The following LRP6 variants were observed in gnomAD, a reference collection of about 807,000 sequenced individuals.
LRP6 encodes the protein LDL receptor related protein 6, also known as low-density lipoprotein receptor-related protein 6.
A neutral mutation model predicts 184.1 loss-of-function variants in LRP6; 43 were observed. That is an observed-to-expected ratio of 0.23 (90% CI 0.18 to 0.30). The LOEUF (loss-of-function observed/expected upper bound fraction) is 0.30, where lower values mean the gene tolerates loss of function less well. Among genes scored for constraint, LRP6 ranks in the 10% least tolerant of loss-of-function variants. LRP6 has a pLI of 1.00. For synonymous variants in LRP6, 719 were observed against 684.9 expected (o/e 1.05, Z -0.78); for missense variants, 1,571 against 2,005.3 (o/e 0.78, Z 4.14).
intron 12 of LRP6, among the ~76,000 whole-genome samples, chr12:12,154,006 T>C (rs1384667557): frequency 2.0e-5 from 3 of 152,320 alleles, no homozygotes; most frequent in East Asian, 3.9e-4. Flanking sequence ...CACACTTCCT[T>C]AGCCACGCCA....
chr12:12,198,601 T>C (rs1041104384), intron 3 of LRP6, among the ~76,000 whole-genome samples: 4 of 150,620 alleles, frequency 2.7e-5, no homozygotes, highest in Non-Finnish European at 5.9e-5. Flanking sequence ...TGGCACAATC[T>C]TGGCTCACTG....
chr12:12,190,359 G>A (rs774487169), intron 3 of LRP6, among the ~76,000 whole-genome samples: 12 of 152,114 alleles, frequency 7.9e-5, no homozygotes, highest in Non-Finnish European at 1.8e-4. Flanking sequence ...AGGTCACAAC[G>A]ATAACAGAAA....
rs745627708 is a variant in LRP6, at chr12:12,121,156, C to A, written c.4812G>T (p.Pro1604=). The A allele has an allele frequency of 6.2e-7, 1 of 1,612,794 alleles. No individual in the cohort carries two copies. Among genetic ancestry groups the A allele is most frequent in the Admixed American group, 1.7e-5 (1 of 59,930 alleles). Residue 1604 remains proline (P), a synonymous_variant, in exon 23 of 23, where the codon CCG becomes CCT. Coordinates refer to ENST00000261349, the MANE Select transcript of LRP6 (RefSeq NM_002336.3). ...ERSYSHHLYP[P]PPSPCTDSS ...AGGAGTCTGTACAGGGAGAGGGTGG[C>A]GGTGGGTAGAGGTGATGAGAATAGC... is the stretch of plus-strand genomic sequence containing the variant.
chr12:12,164,933 A>G, intron 8 of LRP6, 146 bp downstream of exon 8: 5 of 254,094 alleles, frequency 2.0e-5, no homozygotes, highest in South Asian at 5.8e-5. Context: ...AAAAAAAAAA[A>G]AAAAAAAAAA....
intron 1 of LRP6, 115 bp from the exon 2 acceptor site, chr12:12,244,770 TAAATAAATC>T: frequency 1.1e-6 from 1 of 936,138 alleles, no homozygotes; most frequent in Non-Finnish European, 1.6e-6. Context: ...AAGAAAAGAA[TAAATAAATC>T]ATTAGGAGAC....
chr12:12,164,919 T>TAAAAAAAAAAAAAAAAAAAAAAAAAA (rs58540250), intron 8 of LRP6, among the ~76,000 whole-genome samples, 160 bp downstream of exon 8: 8 of 57,076 alleles, frequency 1.4e-4, no homozygotes, highest in Non-Finnish European at 1.4e-4. Context: ...CCCTTCTCAG[T>TAAAAAAAAAAAAAAAAAAAAAAAAAA]AAAAAAAAAA....
At chr12:12,183,508 G>A in intron 5 of LRP6, among the ~76,000 whole-genome samples, 1 of 151,952 alleles carries the variant, frequency 6.6e-6, no homozygotes, top group East Asian at 1.9e-4. Flanking sequence ...TTTTTTCCCA[G>A]CTCTGAAAGC....
At chr12:12,258,508 A>C (rs1488568829) in intron 1 of LRP6, among the ~76,000 whole-genome samples, 1 of 152,224 alleles carries the variant, frequency 6.6e-6, no homozygotes, top group Non-Finnish European at 1.5e-5. Flanking sequence ...AAAAATTCAC[A>C]TCTTTTTATA....
chr12:12,189,253 G>A (rs113731161), intron 3 of LRP6, among the ~76,000 whole-genome samples: 9 of 152,172 alleles, frequency 5.9e-5, no homozygotes, highest in African/African-American at 2.2e-4. Flanking sequence ...ATCTGTCAAC[G>A]GAAGGTAATA....
intron 1 of LRP6, among the ~76,000 whole-genome samples, chr12:12,261,935 C>G (rs1865626181): frequency 1.3e-5 from 2 of 152,250 alleles, no homozygotes; most frequent in Middle Eastern, 3.4e-3. Context: ...TTTTATATAA[C>G]AAGCCTCCTC....
intron 7 of LRP6, among the ~76,000 whole-genome samples, chr12:12,178,500 A>T (rs1863250307): frequency 6.6e-6 from 1 of 152,170 alleles, no homozygotes; most frequent in Non-Finnish European, 1.5e-5. Context: ...CTGTTTTCCT[A>T]AGCATACTCG....
intron 19 of LRP6, among the ~76,000 whole-genome samples, chr12:12,129,895 C>T (rs141932413): frequency 8.5e-5 from 13 of 152,258 alleles, no homozygotes; most frequent in Non-Finnish European, 1.9e-4. Flanking sequence ...CTTCCTTGAT[C>T]AAGTCCATCT....
chr12:12,177,813 C>T (rs1863233502), intron 7 of LRP6, among the ~76,000 whole-genome samples: 1 of 151,870 alleles, frequency 6.6e-6, no homozygotes, highest in Non-Finnish European at 1.5e-5. Context: ...TTCCAGCAAA[C>T]CTAGAAGGAG....
At chr12:12,240,589 T>A (rs979957112) in intron 2 of LRP6, among the ~76,000 whole-genome samples, 4 of 151,832 alleles carry the variant, frequency 2.6e-5, no homozygotes, top group Non-Finnish European at 5.9e-5. Flanking sequence ...AATAAATAAA[T>A]AATAAATAAA....
At chr12:12,173,329 G>C (rs1040517203) in intron 7 of LRP6, among the ~76,000 whole-genome samples, 1 of 152,102 alleles carries the variant, frequency 6.6e-6, no homozygotes, top group Non-Finnish European at 1.5e-5. Flanking sequence ...TTCTTTTTAA[G>C]CACAGCTAAA....
chr12:12,123,476 C>T (rs950981443), intron 22 of LRP6, among the ~76,000 whole-genome samples: 5 of 152,080 alleles, frequency 3.3e-5, no homozygotes, highest in Non-Finnish European at 5.9e-5. Context: ...TGGGTGAGGT[C>T]GTATCAGGCC....
intron 9 of LRP6, among the ~76,000 whole-genome samples, chr12:12,163,737 T>C (rs1380937479): frequency 2.0e-5 from 3 of 152,198 alleles, no homozygotes; most frequent in African/African-American, 7.2e-5. Flanking sequence ...TGGAAGAAAG[T>C]AGAGGAAGAC....
chr12:12,135,619 G>A (rs1949827846), intron 16 of LRP6, among the ~76,000 whole-genome samples: 1 of 151,258 alleles, frequency 6.6e-6, no homozygotes, highest in Admixed American at 6.6e-5. Context: ...TCAGCCTCCC[G>A]AGTAGCTGGG....
Position 12,162,186 on chromosome 12 carries a change from T to C in LRP6, c.2279+7A>G. ...GTTGCAAAGAATGCACATGTAAAGC[T>C]GTTTACCCTTCGGCAGGGTCCAACG... is the stretch of plus-strand genomic sequence containing the variant. On this transcript the variant is annotated splice_region_variant and intron_variant, in intron 10 of 22. Coordinates refer to ENST00000261349, the MANE Select transcript of LRP6 (RefSeq NM_002336.3). 1 of 1,611,838 alleles carries C rather than the reference T, an allele frequency of 6.2e-7. No individual in the cohort carries two copies.
Sources: allele counts gnomAD v4.1 joint callset (sites outside exome capture counted in the v4.1 genomes callset), GRCh38; gene constraint gnomAD v4.1.1; transcripts MANE v1.5; gene names NCBI Gene and HGNC (gene_info 2026-07-23, HGNC 2026-07-21).